The following AXIN2 variants were observed in gnomAD, a reference collection of about 807,000 sequenced individuals.
The protein encoded by AXIN2 is axin 2.
A neutral mutation model predicts 74.7 loss-of-function variants in AXIN2; 21 were observed. That is an observed-to-expected ratio of 0.28 (90% CI 0.20 to 0.40). AXIN2 has a LOEUF of 0.40. Among genes scored for constraint, AXIN2 ranks in the 10% least tolerant of loss-of-function variants. The probability of loss-of-function intolerance (pLI) is 1.00; values close to 1 mark genes in which losing one functional copy is unlikely to be tolerated. For missense variants in AXIN2, 1,144 were observed against 1,111.1 expected (o/e 1.03, Z -0.42); for synonymous variants, 532 against 454.9 (o/e 1.17, Z -2.16).
intron 3 of AXIN2, among the ~76,000 whole-genome samples, chr17:65,548,037 T>C (rs1318923883): frequency 6.6e-6 from 1 of 152,144 alleles, no homozygotes; most frequent in Non-Finnish European, 1.5e-5. Context: ...CACCAAAAAA[T>C]TATCAAAGCA....
At chr17:65,533,413 A>G (rs1334135176) in intron 10 of AXIN2, among the ~76,000 whole-genome samples, 1 of 152,084 alleles carries the variant, frequency 6.6e-6, no homozygotes, top group Non-Finnish European at 1.5e-5. Flanking sequence ...AACACGGGGG[A>G]CTTTTCCTAG....
chr17:65,556,372 G>A (rs750301523), intron 2 of AXIN2, among the ~76,000 whole-genome samples: 5 of 152,112 alleles, frequency 3.3e-5, no homozygotes, highest in Admixed American at 6.5e-5. Context: ...ATAATGGGGC[G>A]GGCAGGCGTA....
At chr17:65,556,411 G>C (rs1390269115) in intron 2 of AXIN2, among the ~76,000 whole-genome samples, 1 of 152,190 alleles carries the variant, frequency 6.6e-6, no homozygotes, top group East Asian at 1.9e-4. Context: ...ACCTACTGCA[G>C]AGGCCAGACC....
At position 65,558,391 on chromosome 17, in the gene AXIN2, C is replaced by T. The variant is rs778517452; in HGVS notation, c.230G>A (p.Arg77Gln). 1.5e-5 allele frequency: 24 copies of T among 1,608,614 alleles called. No individual in the cohort carries two copies. Among genetic ancestry groups the T allele is most frequent in the South Asian group, 3.3e-5 (3 of 90,654 alleles). Residue 77 changes from arginine to glutamine, a missense_variant, in exon 2 of 11, where the codon CGG becomes CAG. Transcript: ENST00000307078. ...TAAGGAGTGTAAGGACTTGGTCCAC[C>T]GGGTCAGAGGGGAATCCGGAGATGC... ...GRASPDSPLT[R>Q]WTKSLHSLLG...
chr17:65,533,806 C>T (rs1426973043), intron 10 of AXIN2, 106 bp downstream of exon 10: 4 of 876,044 alleles, frequency 4.6e-6, no homozygotes, highest in Non-Finnish European at 5.4e-6. Context: ...AGCCCCCTCC[C>T]ACCCTGCCCC....
intron 7 of AXIN2, 153 bp from the exon 8 acceptor site, chr17:65,536,706 A>G: frequency 2.9e-6 from 4 of 1,390,700 alleles, no homozygotes; most frequent in Non-Finnish European, 4.0e-6. Context: ...GTGCCAAAAC[A>G]TGACATTTTT....
rs752865337 is a variant in AXIN2, at chr17:65,534,039, G to A, written c.2278C>T (p.Gln760Ter). 1 of 1,614,232 alleles carries A rather than the reference G, an allele frequency of 6.2e-7. No homozygotes were observed. Among genetic ancestry groups the A allele is most frequent in the Non-Finnish European group, 8.5e-7 (1 of 1,180,044 alleles). ...TAAGTGACAACCAACTCACTGGCCT[G>A]GAGCGCGTGGACACCTGCCAGTTTC... ...PKKLAGVHAL[Q>*]ASELVVTYFF... Residue 760 changes from glutamine (Q) to a stop codon, truncating the protein, a stop_gained, in exon 10 of 11, where the codon CAG (glutamine) becomes TAG (stop). Transcript: ENST00000307078. LOFTEE classifies it high-confidence loss of function.
intron 2 of AXIN2, among the ~76,000 whole-genome samples, chr17:65,553,903 A>G (rs1468276947): frequency 2.0e-5 from 3 of 146,712 alleles, no homozygotes; most frequent in Non-Finnish European, 4.5e-5. Flanking sequence ...CAGATGCTTT[A>G]TTTCCTCAGG....
rs1433573233 is a variant in AXIN2 at position 65,558,476 on chromosome 17, T to G, written c.145A>C (p.Met49Leu). The change falls in exon 2 of 11, where the codon ATG becomes CTG. Residue 49 changes from methionine to leucine, a missense_variant. Physicochemically the swap from Met to Leu is conservative, Grantham distance 15. Around this residue, in one of 4 missense-constraint regions of AXIN2, gnomAD observed 1,053 missense variants for 973.5 expected, o/e 1.08. Coordinates refer to ENST00000307078, the MANE Select transcript of AXIN2 (RefSeq NM_004655.4). ...GVGKGQVTKP[M>L]PVSSNTRRNE... ...CGCCTGGTGTTGGAAGAGACAGGCA[T>G]GGGTTTGGTGACCTGGCCCTTGCCC... The G allele has an allele frequency of 6.2e-7, 1 of 1,607,476 alleles. No homozygotes were observed. Among genetic ancestry groups the G allele is most frequent in the Admixed American group, 1.7e-5 (1 of 59,670 alleles).
Position 65,528,910 on chromosome 17 carries a change from C to T in AXIN2, c.*1066G>A. On this transcript the variant is annotated 3_prime_UTR_variant, in exon 11 of 11. Coordinates refer to ENST00000307078, the MANE Select transcript of AXIN2 (RefSeq NM_004655.4). The stretch of plus-strand genomic sequence containing the variant: ...GTACACTATATACAGATGTATAGTA[C>T]AAGTAACAATGGCAAACAGAATGTA... 3.2e-6 allele frequency: 1 copy of T among 314,558 alleles called. No individual in the cohort carries two copies. The highest frequency in any genetic ancestry group is 5.9e-6 in the Non-Finnish European group (1 of 169,522). 19.5% of individuals were successfully genotyped at this position (314,558 alleles called of 1,614,324 possible).
intron 2 of AXIN2, 74 bp downstream of exon 2, chr17:65,557,732 T>C: frequency 6.9e-7 from 1 of 1,440,510 alleles, no homozygotes; most frequent in Non-Finnish European, 9.7e-7. Flanking sequence ...AGCACACCCA[T>C]CCACCCATCC....
At chr17:65,559,734 G>A (rs527534576) in intron 1 of AXIN2, among the ~76,000 whole-genome samples, 1 of 152,184 alleles carries the variant, frequency 6.6e-6, no homozygotes, top group East Asian at 1.9e-4. Context: ...CAATAAACAA[G>A]CTGCTTTCCC....
chr17:65,549,344 T>TC lies in AXIN2; in HGVS notation c.956+175dup, dbSNP rs1198861995. 4.6e-5 allele frequency among the ~76,000 whole-genome samples: 7 copies of TC among 152,348 alleles called. No homozygotes were observed. In the South Asian group the frequency reaches 1.0e-3, roughly 23 times the overall value. Reference sequence around the variant, plus strand: ...GCTTTACCCTACCCAGATGACCATGTCATCCTCCTTAATCAGCACCATACC... The same window carrying TC: ...GCTTTACCCTACCCAGATGACCATGTCCATCCTCCTTAATCAGCACCATACC... On this transcript the variant is annotated intron_variant, in intron 3 of 10. Transcript: ENST00000307078.
At position 65,558,713 on chromosome 17, in the gene AXIN2, C is replaced by G; in HGVS notation, c.-93G>C. 2 of 1,305,744 alleles carry G rather than the reference C, an allele frequency of 1.5e-6. No homozygotes were observed. The highest frequency in any genetic ancestry group is 1.3e-5 in the South Asian group (1 of 79,288). The allele number at this position is 1,305,744 out of a possible 1,614,324, so 80.9% of individuals were successfully genotyped here. On this transcript the variant is annotated 5_prime_UTR_variant, in exon 2 of 11. Transcript: ENST00000307078. ...GGTCTCTCTGTCTCTCTCAAGTCAG[C>G]AGGGGCTCATCTGAACCTCCTCTCT...
intron 4 of AXIN2, among the ~76,000 whole-genome samples, 194 bp downstream of exon 4, chr17:65,541,261 G>A (rs2044037698): frequency 6.6e-6 from 1 of 152,136 alleles, no homozygotes; most frequent in African/African-American, 2.4e-5. Flanking sequence ...TCACATCACT[G>A]TGCTCACCAT....
In AXIN2 at chr17:65,537,792, T is replaced by C. The variant is rs1170393408; in HGVS notation, c.1244A>G (p.Glu415Gly). 6.3e-7 allele frequency: 1 copy of C among 1,587,050 alleles called. No homozygotes were observed. Among genetic ancestry groups the C allele is most frequent in the Non-Finnish European group, 8.6e-7 (1 of 1,167,138 alleles). The part of the protein sequence containing the change: ...EGSELTLNSR[E>G]GAPTQHPLSL... ...GAGGGGGTGCTGCGTGGGCGCCCCCTCCCGCGAATTGAGTGTGAGCTCGGA... is the reference window on the plus strand; with the variant it reads ...GAGGGGGTGCTGCGTGGGCGCCCCCCCCCGCGAATTGAGTGTGAGCTCGGA... Residue 415 changes from glutamate (E) to glycine (G), a missense_variant, in exon 6 of 11, where the codon GAG becomes GGG. Transcript: ENST00000307078.
rs1133683 is a variant in AXIN2 at position 65,537,650 on chromosome 17, G to A, written c.1386C>T (p.Pro462=). The change falls in exon 6 of 11, where the codon CCC becomes CCT. Residue 462 remains proline (P), a synonymous_variant. Coordinates refer to ENST00000307078, the MANE Select transcript of AXIN2 (RefSeq NM_004655.4). The part of the protein sequence containing the change: ...CQSPGVGRYS[P]RSRSPDHHHH... ...GGTGGTGGTCCGGGGAGCGGGAGCG[G>A]GGGCTATAGCGGCCTACGCCTGGAG... The A allele has an allele frequency of 0.63, 984,734 of 1,570,832 alleles. 317,138 individuals are homozygous for A. Among genetic ancestry groups the A allele is most frequent in the Non-Finnish European group, 0.66 (768,398 of 1,160,522 alleles).
At chr17:65,556,696 T>C (rs2144576720) in intron 2 of AXIN2, among the ~76,000 whole-genome samples, 1 of 152,072 alleles carries the variant, frequency 6.6e-6, no homozygotes, top group South Asian at 2.1e-4. Context: ...AGATCAACCA[T>C]CTGGTGCCCA....
At chr17:65,543,493 T>C (rs2044072260) in intron 3 of AXIN2, among the ~76,000 whole-genome samples, 1 of 152,234 alleles carries the variant, frequency 6.6e-6, no homozygotes, top group South Asian at 2.1e-4. Context: ...GAGTCCCTAC[T>C]GTACGTCAGA....
Sources: allele counts gnomAD v4.1 joint callset (sites outside exome capture counted in the v4.1 genomes callset), GRCh38; gene constraint gnomAD v4.1.1; regional missense constraint gnomAD v4.1.1; transcripts MANE v1.5; gene names NCBI Gene and HGNC (gene_info 2026-07-23, HGNC 2026-07-21).